DGKI: variants seen among roughly 807,000 people sequenced by gnomAD.
DGKI encodes diacylglycerol kinase iota.
A neutral mutation model predicts 147.5 loss-of-function variants in DGKI; 55 were observed. The ratio of observed to expected loss-of-function variants is 0.37; its 90% confidence interval spans 0.30 to 0.47. DGKI has a LOEUF of 0.47. Among genes scored for constraint, DGKI ranks in the 20% least tolerant of loss-of-function variants. DGKI has a pLI of 1.00. For synonymous variants in DGKI, 469 were observed against 477.1 expected, an observed-to-expected ratio of 0.98 and a Z score of 0.22; for missense variants, 1,007 against 1,323.8, an observed-to-expected ratio of 0.76 and a Z score of 3.71.
At chr7:137,465,599 A>T (rs1390671740) in intron 26 of DGKI, among the ~76,000 whole-genome samples, 1 of 152,226 alleles carries the variant, frequency 6.6e-6, no homozygotes, top group Non-Finnish European at 1.5e-5. Flanking sequence ...CACCTGTGTC[A>T]ATTTTTAATG....
At position 137,722,177 on chromosome 7, in the gene DGKI, C is replaced by A. The variant is rs1794578795; in HGVS notation, c.402-32175G>T. 3 of 1,600,342 alleles carry A rather than the reference C, an allele frequency of 1.9e-6. No homozygotes were observed. The East Asian group carries it at 6.7e-5, about 36-fold the overall frequency. ...AGGTATTCCCGATCTGCTATGTATT[C>A]CAGAAAGGCCATGTACAAGAGGAAG... On this transcript the variant is annotated intron_variant, in intron 1 of 32. Coordinates refer to ENST00000614521, the MANE Select transcript of DGKI (RefSeq NM_001321708.2).
At chr7:137,424,268 G>A (rs182861818) in intron 28 of DGKI, among the ~76,000 whole-genome samples, 2 of 152,306 alleles carry the variant, frequency 1.3e-5, no homozygotes, top group Admixed American at 1.3e-4. Flanking sequence ...ATAGGCTTCA[G>A]TGTATCAGTA....
intron 31 of DGKI, 115 bp downstream of exon 31, chr7:137,397,262 G>T (rs967786190): frequency 3.1e-6 from 3 of 959,456 alleles, no homozygotes; most frequent in Non-Finnish European, 4.7e-6. Context: ...GTTGAAAGTG[G>T]ACTTTGAATT....
chr7:137,798,374 C>A (rs4732270), intron 1 of DGKI, among the ~76,000 whole-genome samples: 152,342 of 152,342 alleles, frequency 1, 76,171 homozygotes, highest in Non-Finnish European at 1. Context: ...AAAACCCAAC[C>A]AAAGCATCGC....
At chr7:137,471,353 G>A in intron 23 of DGKI, among the ~76,000 whole-genome samples, 1 of 152,172 alleles carries the variant, frequency 6.6e-6, no homozygotes, top group Non-Finnish European at 1.5e-5. Context: ...ATGATCTTGT[G>A]TGTACAGAGG....
intron 19 of DGKI, 27 bp from the exon 20 acceptor site, chr7:137,552,595 C>G (rs750988181): frequency 9.9e-6 from 16 of 1,610,966 alleles, no homozygotes; most frequent in South Asian, 6.6e-5. Flanking sequence ...CAAAGGGGAG[C>G]AAGGAGTTAG....
intron 1 of DGKI, among the ~76,000 whole-genome samples, chr7:137,737,396 G>A (rs1795054325): frequency 1.3e-5 from 2 of 151,630 alleles, no homozygotes; most frequent in South Asian, 4.2e-4. Flanking sequence ...TAATATAAAG[G>A]CAAATCTGTT....
At chr7:137,721,711 A>T (rs757506255) in intron 1 of DGKI, among the ~76,000 whole-genome samples, 19 of 152,108 alleles carry the variant, frequency 1.2e-4, no homozygotes, top group Non-Finnish European at 2.2e-4. Flanking sequence ...GTAAGTCCAA[A>T]CTCAGCACAG....
At chr7:137,408,109 G>A in intron 29 of DGKI, 114 bp from the exon 30 acceptor site, 2 of 1,310,212 alleles carry the variant, frequency 1.5e-6, no homozygotes, top group Non-Finnish European at 2.1e-6. Flanking sequence ...CAGCCTTAGA[G>A]GACATAGAGA....
At chr7:137,556,277 A>G (rs1240600005) in intron 19 of DGKI, among the ~76,000 whole-genome samples, 1 of 152,124 alleles carries the variant, frequency 6.6e-6, no homozygotes, top group East Asian at 1.9e-4. Flanking sequence ...TCACAATAAA[A>G]AAAAATTTAG....
chr7:137,616,607 GA>G (rs71742857), intron 8 of DGKI, among the ~76,000 whole-genome samples: 4,001 of 152,206 alleles, frequency 0.026, 164 homozygotes, highest in African/African-American at 0.088. Context: ...TAACAAATGT[GA>G]AGACAGACAC....
intron 13 of DGKI, among the ~76,000 whole-genome samples, chr7:137,586,007 A>C (rs1819380167): frequency 6.6e-6 from 1 of 152,202 alleles, no homozygotes; most frequent in South Asian, 2.1e-4. Context: ...TTATTTCTAC[A>C]CTGCCTACTT....
rs566817432 is a variant in DGKI, at chr7:137,458,816, A to G, written c.2735+4673T>C. On this transcript the variant is annotated intron_variant, in intron 27 of 32. Coordinates refer to ENST00000614521, the MANE Select transcript of DGKI (RefSeq NM_001321708.2). Reference sequence around the variant, plus strand: ...TGTCACTAATCGTGGTGGTACAATTAATGATAAGAGCAAATACATTTCCAG... The same window carrying G: ...TGTCACTAATCGTGGTGGTACAATTGATGATAAGAGCAAATACATTTCCAG... Among the ~76,000 whole-genome samples the G allele has an allele frequency of 2.4e-4, 36 of 152,352 alleles. 1 individual carries two copies. The highest frequency in any genetic ancestry group is 8.4e-4 in the African/African-American group (35 of 41,588).
At chr7:137,570,317 C>A (rs1818749748) in intron 19 of DGKI, among the ~76,000 whole-genome samples, 1 of 152,158 alleles carries the variant, frequency 6.6e-6, no homozygotes, top group African/African-American at 2.4e-5. Context: ...TATACTTACA[C>A]TATAAATTTC....
At chr7:137,597,662 T>C (rs561922846) in intron 12 of DGKI, among the ~76,000 whole-genome samples, 185 bp downstream of exon 12, 115 of 152,250 alleles carry the variant, frequency 7.6e-4, no homozygotes, top group African/African-American at 2.7e-3. Context: ...ATTAGAAGGA[T>C]CAAGTATGTA....
chr7:137,640,094 C>A (rs893828047), intron 6 of DGKI, among the ~76,000 whole-genome samples: 3 of 151,472 alleles, frequency 2.0e-5, no homozygotes, highest in Non-Finnish European at 4.4e-5. Flanking sequence ...TTGTTAATTA[C>A]AGGCACTATG....
chr7:137,682,923 G>A (rs948484183), intron 2 of DGKI, among the ~76,000 whole-genome samples: 1 of 152,108 alleles, frequency 6.6e-6, no homozygotes, highest in Non-Finnish European at 1.5e-5. Context: ...CAACCACCTG[G>A]AATAGTCTTG....
chr7:137,717,609 T>C (rs1794419167), intron 1 of DGKI, among the ~76,000 whole-genome samples: 1 of 152,312 alleles, frequency 6.6e-6, no homozygotes, highest in South Asian at 2.1e-4. Context: ...CATACTCATA[T>C]AGAAATATTT....
intron 20 of DGKI, among the ~76,000 whole-genome samples, chr7:137,548,372 TG>T (rs1422209821): frequency 6.6e-6 from 1 of 152,194 alleles, no homozygotes; most frequent in Non-Finnish European, 1.5e-5. Context: ...ATGTTGTATG[TG>T]GGGCCTGGTC....
Sources: gnomAD v4.1 joint callset for allele counts (sites outside exome capture counted in the v4.1 genomes callset) on GRCh38, gnomAD v4.1.1 for gene constraint, MANE v1.5 for transcripts, NCBI Gene and HGNC (gene_info 2026-07-23, HGNC 2026-07-21) for gene names.